Variants in LDB1 observed in about 807,000 individuals in gnomAD.
LDB1 encodes the protein LIM domain binding 1, also known as LIM domain-binding protein 1.
LDB1 carries 6 observed loss-of-function variants against 49.7 expected under a neutral mutation model. The observed-to-expected ratio is 0.12, with a 90% CI of 0.07 to 0.24. The LOEUF is 0.24. LDB1 is among the 10% of genes least tolerant of loss of function. The pLI, the probability that LDB1 is intolerant of heterozygous loss-of-function variation, is 1.00. For synonymous variants in LDB1, 233 were observed against 202.0 expected, an observed-to-expected ratio of 1.15 and a Z score of -1.30; for missense variants, 341 against 561.7, an observed-to-expected ratio of 0.61 and a Z score of 3.97.
Position 102,109,469 on chromosome 10 carries a change from T to C in LDB1, c.771A>G (p.Ser257=). Reference sequence around the variant, plus strand: ...GGCTGAGGCTGTAGGTCTTGTGGCGTGACATGAGCTCTTGCATGGGCTCGA... The same window carrying C: ...GGCTGAGGCTGTAGGTCTTGTGGCGCGACATGAGCTCTTGCATGGGCTCGA... The part of the protein sequence containing the change: ...VILEPMQELM[S]RHKTYSLSPR... Residue 257 remains serine (S), a synonymous_variant, in exon 9 of 11, where the codon TCA becomes TCG. Coordinates refer to ENST00000673968, the MANE Select transcript of LDB1 (RefSeq NM_001113407.3). This position sits in a 1 kb window ranked among gnomAD's most constrained non-coding sequence, Gnocchi z 5.8. 1 of 1,613,960 alleles carries C rather than the reference T, an allele frequency of 6.2e-7. No individual in the cohort carries two copies. Among genetic ancestry groups the C allele is most frequent in the South Asian group, 1.1e-5 (1 of 91,076 alleles).
In LDB1 at chr10:102,107,778, C is replaced by A. The variant is rs1238089619; in HGVS notation, c.*315G>T. On this transcript the variant is annotated 3_prime_UTR_variant, in exon 11 of 11. Transcript: ENST00000673968. ...GGGTAAAGTCAGGGGGATGGGAAAC[C>A]CACAATCTGGGGTGAAGATGGAGGC... 2 of 414,814 alleles carry A rather than the reference C, an allele frequency of 4.8e-6. No individual in the cohort carries two copies. The highest frequency in any genetic ancestry group is 4.4e-6 in the Non-Finnish European group (1 of 226,062). 25.7% of individuals were successfully genotyped at this position (414,814 alleles called of 1,614,324 possible).
At position 102,117,327 on chromosome 10, in the gene LDB1, G is replaced by A. The variant is rs1337012747; in HGVS notation, c.25+2759C>T. Among the ~76,000 whole-genome samples, 2 of 152,164 alleles carry A rather than the reference G, an allele frequency of 1.3e-5. No homozygotes were observed. The highest frequency in any genetic ancestry group is 2.1e-4 in the South Asian group (1 of 4,832). ...CTCTAGCAAGTCTGCTCCTTTCTCTGCTCTGACCAGATTTACCCAGTTGCA... is the reference window on the plus strand; with the variant it reads ...CTCTAGCAAGTCTGCTCCTTTCTCTACTCTGACCAGATTTACCCAGTTGCA... On this transcript the variant is annotated intron_variant, in intron 1 of 10. Transcript: ENST00000673968. The surrounding 1 kb of genome is among the most constrained non-coding windows in gnomAD (Gnocchi z 4.2).
rs1196761984 is a variant in LDB1 at position 102,107,711 on chromosome 10, G to A, written c.*382C>T. ...ATTCAACGAAGCCCCGTAACTTTAAGTCCCTAAGGGCTGTGGGTATAGACA... is the reference window on the plus strand; with the variant it reads ...ATTCAACGAAGCCCCGTAACTTTAAATCCCTAAGGGCTGTGGGTATAGACA... On this transcript the variant is annotated 3_prime_UTR_variant, in exon 11 of 11. Transcript: ENST00000673968. 4.4e-6 allele frequency: 1 copy of A among 227,194 alleles called. No homozygotes were observed. The highest frequency in any genetic ancestry group is 8.8e-6 in the Non-Finnish European group (1 of 114,114). 14.1% of individuals were successfully genotyped at this position (227,194 alleles called of 1,614,324 possible). A position where few individuals can be genotyped will look rare whatever the true frequency, so the allele number is the denominator to read the frequency against.
rs1397868841 is a variant in LDB1, at chr10:102,107,544, G to T, written c.*549C>A. On this transcript the variant is annotated 3_prime_UTR_variant, in exon 11 of 11. Transcript: ENST00000673968. ...GCTGGACTTTTAATAGGGGGAAGAG[G>T]GGGGGACATGAGTGATTTTTTTTTT... is the stretch of plus-strand genomic sequence containing the variant. 1 of 153,780 alleles carries T rather than the reference G, an allele frequency of 6.5e-6. No homozygotes were observed. Among genetic ancestry groups the T allele is most frequent in the Non-Finnish European group, 1.4e-5 (1 of 69,116 alleles). 9.5% of individuals were successfully genotyped at this position (153,780 alleles called of 1,614,324 possible).
intron 1 of LDB1, among the ~76,000 whole-genome samples, chr10:102,116,105 T>C (rs2068333395): frequency 2.0e-5 from 3 of 152,246 alleles, no homozygotes; most frequent in Admixed American, 2.0e-4. Flanking sequence ...ATATTGCACC[T>C]GGCTCTGTGA....
intron 1 of LDB1, chr10:102,114,522 G>T: frequency 9.1e-6 from 9 of 986,166 alleles, no homozygotes; most frequent in Non-Finnish European, 1.1e-5. Flanking sequence ...TCCCGAGTGG[G>T]ACGGGCAGGC....
chr10:102,120,566 A>C, upstream of LDB1: 3 of 198,582 alleles, frequency 1.5e-5, no homozygotes, highest in Non-Finnish European at 2.7e-5. Flanking sequence ...TGTCAAAGTG[A>C]CCCGGGAGAG....
Position 102,109,399 on chromosome 10 carries a change from T to C in LDB1, c.841A>G (p.Met281Val), listed in dbSNP as rs2068217189. 1.2e-6 allele frequency: 2 copies of C among 1,614,160 alleles called. No homozygotes were observed. Among genetic ancestry groups the C allele is most frequent in the Non-Finnish European group, 1.7e-6 (2 of 1,180,034 alleles). The change falls in exon 9 of 11, where the codon ATG becomes GTG. Residue 281 changes from methionine to valine, a missense_variant. This residue lies in a region of LDB1 where 233 missense variants were observed against 385.7 expected (regional missense o/e 0.60). Coordinates refer to ENST00000673968, the MANE Select transcript of LDB1 (RefSeq NM_001113407.3). The surrounding 1 kb of genome is among the most constrained non-coding windows in gnomAD (Gnocchi z 5.8). ...KTCLFQKWQR[M>V]VAPPAEPTRQ... Reference sequence around the variant, plus strand: ...AGGCACTCACCAGGGGGTGCTACCATGCGCTGCCACTTCTGGAAAAGGCAG... The same window carrying C: ...AGGCACTCACCAGGGGGTGCTACCACGCGCTGCCACTTCTGGAAAAGGCAG...
chr10:102,118,724 C>T (rs1344787467), intron 1 of LDB1, among the ~76,000 whole-genome samples: 2 of 152,142 alleles, frequency 1.3e-5, no homozygotes, highest in African/African-American at 4.8e-5. Flanking sequence ...GGGCTAAGAA[C>T]ATGATGGATC....
chr10:102,120,298 G>C lies in LDB1; in HGVS notation c.-188C>G. 1.0e-6 allele frequency: 1 copy of C among 984,318 alleles called. No homozygotes were observed. The highest frequency in any genetic ancestry group is 1.2e-6 in the Non-Finnish European group (1 of 829,742). 61.0% of individuals were successfully genotyped at this position (984,318 alleles called of 1,614,324 possible). The stretch of plus-strand genomic sequence containing the variant: ...GGGCCTGTCAGGCGCGGAGCAGACA[G>C]GAAGGAAGCCAGGCAGGAAGGCGAG... On this transcript the variant is annotated 5_prime_UTR_variant, in exon 1 of 11. Transcript: ENST00000673968.
Position 102,109,388 on chromosome 10 carries a change from G to A in LDB1, c.852C>T (p.Pro284=). 1.9e-6 allele frequency: 3 copies of A among 1,614,134 alleles called. No homozygotes were observed. The highest frequency in any genetic ancestry group is 2.5e-6 in the Non-Finnish European group (3 of 1,180,036). ...LFQKWQRMVA[P]PAEPTRQQPS... ...GAGCAGGTGCAAGGCACTCACCAGGGGGTGCTACCATGCGCTGCCACTTCT... is the reference window on the plus strand; with the variant it reads ...GAGCAGGTGCAAGGCACTCACCAGGAGGTGCTACCATGCGCTGCCACTTCT... Residue 284 remains proline, a synonymous_variant, in exon 9 of 11, where the codon CCC becomes CCT. Transcript: ENST00000673968. The surrounding 1 kb of genome is among the most constrained non-coding windows in gnomAD (Gnocchi z 5.8).
chr10:102,121,313 AC>A (rs2068418406), upstream of LDB1, among the ~76,000 whole-genome samples: 1 of 150,506 alleles, frequency 6.6e-6, no homozygotes, highest in East Asian at 1.9e-4. Flanking sequence ...ACCGCCTCCG[AC>A]CCCCCTGCCT....
rs2068187895 is a variant in LDB1, at chr10:102,107,870, T to A, written c.*223A>T. The A allele has an allele frequency of 5.1e-6, 3 of 588,300 alleles. No individual in the cohort carries two copies. The highest frequency in any genetic ancestry group is 9.1e-6 in the Non-Finnish European group (3 of 329,410). The allele number at this position is 588,300 out of a possible 1,614,324, so 36.4% of individuals were successfully genotyped here. ...GGTTCCAAGTAGGCATCCACATGAG[T>A]ACCCCCTCCCCCTAAAAGGCTCTGT... is the stretch of plus-strand genomic sequence containing the variant. On this transcript the variant is annotated 3_prime_UTR_variant, in exon 11 of 11. Coordinates refer to ENST00000673968, the MANE Select transcript of LDB1 (RefSeq NM_001113407.3).
intron 6 of LDB1, 62 bp from the exon 7 acceptor site, chr10:102,110,105 A>G: frequency 5.2e-6 from 8 of 1,533,486 alleles, no homozygotes; most frequent in Middle Eastern, 1.7e-4. Context: ...AGGTATGTCT[A>G]TTACAGTCTC....
downstream of LDB1, among the ~76,000 whole-genome samples, chr10:102,104,031 C>T (rs1283254597): frequency 6.6e-6 from 1 of 151,774 alleles, no homozygotes; most frequent in Non-Finnish European, 1.5e-5. Context: ...CACTACACTC[C>T]AGCCTGGGCG....
At chr10:102,108,569 T>A (rs1168800307) in intron 10 of LDB1, among the ~76,000 whole-genome samples, 1 of 152,120 alleles carries the variant, frequency 6.6e-6, no homozygotes, top group Non-Finnish European at 1.5e-5. Context: ...TCTACTCCCC[T>A]AGCTCCCTAG....
chr10:102,113,778 A>AC (rs1491583993), intron 1 of LDB1, among the ~76,000 whole-genome samples: 3 of 150,258 alleles, frequency 2.0e-5, no homozygotes, highest in South Asian at 2.1e-4. Context: ...AAAAAAAAAA[A>AC]CTCTCAGAGC....
chr10:102,118,920 T>C (rs1020871533), intron 1 of LDB1, among the ~76,000 whole-genome samples: 3 of 152,132 alleles, frequency 2.0e-5, no homozygotes, highest in Admixed American at 6.5e-5. Context: ...TATTCTAGGA[T>C]TGTTAGGTTC....
At chr10:102,119,471 C>A (rs1283565696) in intron 1 of LDB1, among the ~76,000 whole-genome samples, 3 of 152,166 alleles carry the variant, frequency 2.0e-5, no homozygotes, top group African/African-American at 7.2e-5. Flanking sequence ...ATTTCCTAGC[C>A]TGCCCTCCCA....
Sources: gnomAD v4.1 joint callset for allele counts (sites outside exome capture counted in the v4.1 genomes callset) on GRCh38, gnomAD v4.1.1 for gene constraint, gnomAD v4.1.1 regional missense constraint, Gnocchi (gnomAD v3.1) non-coding constraint, MANE v1.5 for transcripts, NCBI Gene and HGNC (gene_info 2026-07-23, HGNC 2026-07-21) for gene names.